The following SNX18 variants were observed in gnomAD, a reference collection of about 807,000 sequenced individuals.
SNX18 encodes the protein sorting nexin-18.
In SNX18, 35 loss-of-function variants were observed where a neutral mutation model predicts 48.7. The observed-to-expected ratio is 0.72, with a 90% CI of 0.55 to 0.95. The LOEUF (loss-of-function observed/expected upper bound fraction) is 0.95. Ranked by LOEUF, SNX18 falls within the 40% of genes least tolerant of loss-of-function variation. SNX18 has a pLI of 0.00. For synonymous variants in SNX18, 492 were observed against 384.7 expected (o/e 1.28, Z -3.26); for missense variants, 824 against 871.0 (o/e 0.95, Z 0.68).
At chr5:54,628,775 T>G in the SNX18 span, among the ~76,000 whole-genome samples, 1 of 152,248 alleles carries the variant, frequency 6.6e-6, no homozygotes, top group African/African-American at 2.4e-5. Context: ...ATGTTCTGGA[T>G]TAACCAGGCC....
chr5:54,605,816 C>T, the SNX18 span, among the ~76,000 whole-genome samples: 1 of 152,148 alleles, frequency 6.6e-6, no homozygotes, highest in Non-Finnish European at 1.5e-5. Context: ...TGTGCCAACA[C>T]ACCCAGCTAA....
the SNX18 span, among the ~76,000 whole-genome samples, chr5:54,572,600 C>A: frequency 6.6e-6 from 1 of 151,544 alleles, no homozygotes; most frequent in Non-Finnish European, 1.5e-5. Context: ...CAAGAAATGG[C>A]CTCATATTTT....
chr5:54,519,198 G>C lies in SNX18; in HGVS notation c.1246G>C (p.Ala416Pro). ...NFFLTLSTPP[A>P]AALDLQEVES... The stretch of plus-strand genomic sequence containing the variant: ...CTTCCTGACCCTTAGCACGCCCCCC[G>C]CCGCTGCCCTTGACCTGCAGGAGGT... Residue 416 changes from alanine to proline, a missense_variant, in exon 1 of 2, where the codon GCC becomes CCC. Coordinates refer to ENST00000381410, the MANE Select transcript of SNX18 (RefSeq NM_001102575.2). The C allele has an allele frequency of 6.2e-7, 1 of 1,613,920 alleles. No individual in the cohort carries two copies. The highest frequency in any genetic ancestry group is 1.1e-5 in the South Asian group (1 of 91,062).
chr5:54,628,148 G>T, the SNX18 span, among the ~76,000 whole-genome samples: 3 of 152,138 alleles, frequency 2.0e-5, no homozygotes, highest in Non-Finnish European at 4.4e-5. Flanking sequence ...GATGTCTTTA[G>T]GTTTTACTGC....
At chr5:54,554,794 T>C in the SNX18 span, among the ~76,000 whole-genome samples, 738 of 152,312 alleles carry the variant, frequency 4.8e-3, 5 homozygotes, top group African/African-American at 0.017. Flanking sequence ...GGCAAGACTT[T>C]CTGAGGAGCA....
At chr5:54,645,652 C>T in the SNX18 span, 10 of 152,330 alleles carry the variant, frequency 6.6e-5, no homozygotes, top group African/African-American at 2.2e-4. Flanking sequence ...TCATCCTACA[C>T]GATCTTTACT....
the SNX18 span, among the ~76,000 whole-genome samples, chr5:54,618,925 G>A: frequency 6.6e-5 from 10 of 151,450 alleles, no homozygotes; most frequent in African/African-American, 2.2e-4. Flanking sequence ...TAATAAATTC[G>A]AGTTTAATAT....
chr5:54,567,210 TG>T, the SNX18 span, among the ~76,000 whole-genome samples: 2 of 151,970 alleles, frequency 1.3e-5, no homozygotes, highest in Non-Finnish European at 2.9e-5. Context: ...TATGTGTGTG[TG>T]TATGTGTGTG....
chr5:54,528,354 T>C (rs1301786318), intron 1 of SNX18, among the ~76,000 whole-genome samples: 1 of 151,840 alleles, frequency 6.6e-6, no homozygotes, highest in African/African-American at 2.4e-5. Context: ...TTGAGAGAGG[T>C]AGAATGTGTG....
the SNX18 span, among the ~76,000 whole-genome samples, chr5:54,605,438 C>G: frequency 1.3e-5 from 2 of 152,046 alleles, no homozygotes; most frequent in Non-Finnish European, 1.5e-5. Flanking sequence ...TAGTGTGTTA[C>G]GTACCAGGAA....
At chr5:54,613,054 T>C in the SNX18 span, among the ~76,000 whole-genome samples, 1 of 152,232 alleles carries the variant, frequency 6.6e-6, no homozygotes. Flanking sequence ...GCTTGTATTG[T>C]GACAATGGGT....
At chr5:54,637,607 A>C in the SNX18 span, among the ~76,000 whole-genome samples, 2 of 152,180 alleles carry the variant, frequency 1.3e-5, no homozygotes, top group Non-Finnish European at 2.9e-5. Context: ...TTTCAACAAA[A>C]ATGATAATTG....
Position 54,517,887 on chromosome 5 carries a change from GGCCCC to G in SNX18, c.-65_-61del. On this transcript the variant is annotated 5_prime_UTR_variant, in exon 1 of 2. Transcript: ENST00000381410. ...GCGCCAGGGCTCGAGCAGTACCGCG[GGCCCC>G]TCAGGTGGGCCTCGGCTCGGGACGC... is the stretch of plus-strand genomic sequence containing the variant. 7.0e-7 allele frequency: 1 copy of G among 1,422,162 alleles called. No homozygotes were observed. The allele number at this position is 1,422,162 out of a possible 1,614,324, so 88.1% of individuals were successfully genotyped here.
the SNX18 span, among the ~76,000 whole-genome samples, chr5:54,553,577 A>G: frequency 6.6e-6 from 1 of 152,202 alleles, no homozygotes; most frequent in Non-Finnish European, 1.5e-5. Flanking sequence ...ATTATCTATT[A>G]AGTACTATTT....
At chr5:54,583,746 T>A in the SNX18 span, among the ~76,000 whole-genome samples, 72,861 of 152,112 alleles carry the variant, frequency 0.48, 18,738 homozygotes, top group African/African-American at 0.68. Context: ...GTAATGTAAT[T>A]TTCCCAGATT....
At chr5:54,522,093 C>T (rs1762043253) in intron 1 of SNX18, among the ~76,000 whole-genome samples, 1 of 152,170 alleles carries the variant, frequency 6.6e-6, no homozygotes. Flanking sequence ...CCCTGGATGA[C>T]ACATCTTTAG....
chr5:54,575,249 G>A, the SNX18 span, among the ~76,000 whole-genome samples: 5 of 152,034 alleles, frequency 3.3e-5, no homozygotes, highest in Admixed American at 2.6e-4. Context: ...AGGAGCCCCA[G>A]CGTTTGAGTC....
the SNX18 span, among the ~76,000 whole-genome samples, chr5:54,581,289 T>C: frequency 7.2e-5 from 11 of 152,220 alleles, no homozygotes; most frequent in Admixed American, 6.5e-4. Context: ...GGTTCCACTG[T>C]GTGGGAAAGA....
chr5:54,584,948 G>A, the SNX18 span, among the ~76,000 whole-genome samples: 32 of 152,156 alleles, frequency 2.1e-4, no homozygotes, highest in Admixed American at 7.2e-4. Context: ...CTATGTGGCC[G>A]ACGTGTTTGC....
Sources: allele counts gnomAD v4.1 joint callset (sites outside exome capture counted in the v4.1 genomes callset), GRCh38; gene constraint gnomAD v4.1.1; transcripts MANE v1.5; gene names NCBI Gene and HGNC (gene_info 2026-07-23, HGNC 2026-07-21).